The following SLC35B1 variants were observed in gnomAD, a reference collection of about 807,000 sequenced individuals.
The protein encoded by SLC35B1 is solute carrier family 35 member B1, also known as ATP/ADP exchanger ER.
Under a neutral mutation model 36.6 loss-of-function variants are expected in SLC35B1, and 27 were observed. The observed-to-expected ratio is 0.74, with a 90% CI of 0.54 to 1.02. SLC35B1 has a LOEUF of 1.02. Ranked by LOEUF, SLC35B1 falls within the 50% of genes least tolerant of loss-of-function variation. The pLI, the probability that SLC35B1 is intolerant of heterozygous loss-of-function variation, is 0.00. For missense variants in SLC35B1, 321 were observed against 383.2 expected, an observed-to-expected ratio of 0.84 and a Z score of 1.35; for synonymous variants, 162 against 152.5, an observed-to-expected ratio of 1.06 and a Z score of -0.46.
chr17:49,706,370 A>AC, intron 2 of SLC35B1, 36 bp from the exon 3 acceptor site: 1 of 1,180,570 alleles, frequency 8.5e-7, no homozygotes, highest in East Asian at 3.1e-5. Flanking sequence ...AAAAAAGAAA[A>AC]GAAAAGAAAA....
chr17:49,704,116 T>A lies in SLC35B1; in HGVS notation c.639A>T (p.Thr213=). The part of the protein sequence containing the change: ...HMMLNINLWS[T]LLLGMGILFT... ...GGCTCTCACCCATTCCCAGCAGCAATGTCGACCAAAGGTTGATGTTCAGCA... is the reference window on the plus strand; with the variant it reads ...GGCTCTCACCCATTCCCAGCAGCAAAGTCGACCAAAGGTTGATGTTCAGCA... Residue 213 remains threonine, a synonymous_variant, in exon 6 of 9, where the codon ACA becomes ACT. Coordinates refer to ENST00000240333, the MANE Select transcript of SLC35B1 (RefSeq NM_005827.4). 6.2e-7 allele frequency: 1 copy of A among 1,614,176 alleles called. No individual in the cohort carries two copies. The highest frequency in any genetic ancestry group is 8.5e-7 in the Non-Finnish European group (1 of 1,180,006).
At chr17:49,701,605 A>C (rs2073352156) in intron 8 of SLC35B1, 95 bp from the exon 9 acceptor site, 2 of 920,510 alleles carry the variant, frequency 2.2e-6, no homozygotes, top group South Asian at 2.7e-5. Flanking sequence ...TGTATCTCCA[A>C]AATGGGGGCT....
At chr17:49,706,376 G>GAA (rs376610823) in intron 2 of SLC35B1, 42 bp from the exon 3 acceptor site, 2,607 of 516,810 alleles carry the variant, frequency 5.0e-3, no homozygotes, top group South Asian at 8.3e-3. Flanking sequence ...GAAAAGAAAA[G>GAA]AAAAAAAAAA....
At chr17:49,703,964 A>T in intron 6 of SLC35B1, 136 bp downstream of exon 6, 1 of 1,163,396 alleles carries the variant, frequency 8.6e-7, no homozygotes. Flanking sequence ...AAGGTTTCTC[A>T]AGGGCTTGAA....
rs1014902392 is a variant in SLC35B1 at position 49,701,396 on chromosome 17, G to A, written c.*62C>T. 51 of 1,320,298 alleles carry A rather than the reference G, an allele frequency of 3.9e-5. No individual in the cohort carries two copies. The African/African-American group carries it at 6.4e-4, about 16-fold the overall frequency. 81.8% of individuals were successfully genotyped at this position (1,320,298 alleles called of 1,614,324 possible). On this transcript the variant is annotated 3_prime_UTR_variant, in exon 9 of 9. Transcript: ENST00000240333. ...ATTCCTATTAAGTCCATTTTCCCAA[G>A]AGATGTCACTGTTTGAGATAATAAC...
rs1338495868 is a variant in SLC35B1, at chr17:49,707,300, G to C, written c.105-232C>G. On this transcript the variant is annotated intron_variant, in intron 1 of 8. Coordinates refer to ENST00000240333, the MANE Select transcript of SLC35B1 (RefSeq NM_005827.4). Reference sequence around the variant, plus strand: ...GCCTAAGAAAAGAATACCCGAAAAAGACGGAGAGGAAACATGCAGAACGAG... The same window carrying C: ...GCCTAAGAAAAGAATACCCGAAAAACACGGAGAGGAAACATGCAGAACGAG... The C allele has an allele frequency of 9.0e-6, 13 of 1,452,074 alleles. No homozygotes were observed. In the South Asian group the frequency reaches 1.6e-4, roughly 18 times the overall value. The allele number at this position is 1,452,074 out of a possible 1,614,324, so 89.9% of individuals were successfully genotyped here. A position where few individuals can be genotyped will look rare whatever the true frequency, so the allele number is the denominator to read the frequency against.
intron 3 of SLC35B1, 82 bp downstream of exon 3, chr17:49,706,122 T>TA (rs71146929): frequency 4.0e-6 from 5 of 1,239,644 alleles, no homozygotes; most frequent in Non-Finnish European, 5.5e-6. Flanking sequence ...TTTTTTTTTT[T>TA]AACTCACAGA....
chr17:49,708,019 G>C (rs2073444681), upstream of SLC35B1: 1 of 1,310,336 alleles, frequency 7.6e-7, no homozygotes, highest in Non-Finnish European at 1.1e-6. Flanking sequence ...GCTGCCAAGG[G>C]GGAAACTCCT....
At chr17:49,702,834 C>T (rs987064519) in intron 8 of SLC35B1, 24 bp downstream of exon 8, 1 of 1,592,706 alleles carries the variant, frequency 6.3e-7, no homozygotes, top group Non-Finnish European at 8.6e-7. Context: ...TCAGCTGTCA[C>T]TGTGTCTCTG....
chr17:49,706,451 G>C, intron 2 of SLC35B1, 117 bp from the exon 3 acceptor site: 4 of 956,276 alleles, frequency 4.2e-6, no homozygotes, highest in Non-Finnish European at 5.8e-6. Context: ...CACATGAAAG[G>C]AACTTGTCTG....
intron 7 of SLC35B1, 77 bp from the exon 8 acceptor site, chr17:49,703,088 G>A (rs987680796): frequency 3.8e-6 from 6 of 1,598,280 alleles, no homozygotes; most frequent in African/African-American, 1.3e-5. Flanking sequence ...ACAGACCTCA[G>A]GGCTAATCTT....
upstream of SLC35B1, chr17:49,708,096 C>T (rs1168056891): frequency 1.4e-6 from 1 of 737,000 alleles, no homozygotes; most frequent in Non-Finnish European, 2.4e-6. Flanking sequence ...TCCCTGAGGG[C>T]CAGGGGAACC....
rs1462101206 is a variant in SLC35B1, at chr17:49,707,816, G to T, written c.18C>A (p.Ser6=). The change falls in exon 1 of 9, where the codon TCC becomes TCA. Residue 6 remains serine (S), a synonymous_variant. Transcript: ENST00000240333. MASSS[S]LVPDRLRLPL... ...GCAGGCGCAGCCGGTCGGGCACCAG[G>T]GAGCTGCTAGAGGCCATGAGACGCC... 6.2e-7 allele frequency: 1 copy of T among 1,611,970 alleles called. No homozygotes were observed. Among genetic ancestry groups the T allele is most frequent in the East Asian group, 2.2e-5 (1 of 44,874 alleles).
rs754254014 is a variant in SLC35B1, at chr17:49,707,898, G to A, written c.-65C>T. The stretch of plus-strand genomic sequence containing the variant: ...CGGCACCGGCAGCAGCGGCGGCGGA[G>A]GCGACAGCTCCAGCCGGACATCGCC... On this transcript the variant is annotated 5_prime_UTR_variant, in exon 1 of 9. Coordinates refer to ENST00000240333, the MANE Select transcript of SLC35B1 (RefSeq NM_005827.4). 5.6e-6 allele frequency: 9 copies of A among 1,597,548 alleles called. No homozygotes were observed. Among genetic ancestry groups the A allele is most frequent in the Middle Eastern group, 1.9e-4 (1 of 5,342 alleles).
rs904846875 is a variant in SLC35B1 at position 49,707,915 on chromosome 17, G to A, written c.-82C>T. 3 of 1,579,650 alleles carry A rather than the reference G, an allele frequency of 1.9e-6. No individual in the cohort carries two copies. The highest frequency in any genetic ancestry group is 2.6e-6 in the Non-Finnish European group (3 of 1,162,976). On this transcript the variant is annotated 5_prime_UTR_variant, in exon 1 of 9. Transcript: ENST00000240333. ...GCGGCGGAGGCGACAGCTCCAGCCG[G>A]ACATCGCCGACCGGCGGCAGGGGCC...
intron 4 of SLC35B1, chr17:49,705,652 A>G: frequency 1.6e-6 from 1 of 625,018 alleles, no homozygotes; most frequent in Non-Finnish European, 2.9e-6. Context: ...GAAGCAGGCT[A>G]GGTCAGCCTT....
chr17:49,704,373 G>T, intron 5 of SLC35B1, 147 bp from the exon 6 acceptor site: 1 of 1,006,050 alleles, frequency 9.9e-7, no homozygotes, highest in Non-Finnish European at 1.4e-6. Context: ...GTCACAGGTG[G>T]AAGGTGGGGA....
intron 8 of SLC35B1, chr17:49,702,613 T>G (rs1031820719): frequency 7.2e-6 from 3 of 415,610 alleles, no homozygotes; most frequent in African/African-American, 6.0e-5. Flanking sequence ...ATGCCTGTAA[T>G]CCTAGCTACT....
intron 4 of SLC35B1, 143 bp from the exon 5 acceptor site, chr17:49,705,424 G>T: frequency 1.3e-6 from 1 of 799,696 alleles, no homozygotes; most frequent in Non-Finnish European, 1.9e-6. Flanking sequence ...AAAGGAGGGT[G>T]CCAGGCTGGC....
Sources: allele counts gnomAD v4.1 joint callset, GRCh38; gene constraint gnomAD v4.1.1; transcripts MANE v1.5; gene names NCBI Gene and HGNC (gene_info 2026-07-23, HGNC 2026-07-21).